The following PACRG variants were observed in gnomAD, a reference collection of about 807,000 sequenced individuals.
The protein encoded by PACRG is parkin coregulated.
PACRG carries 29 observed loss-of-function variants against 29.7 expected under a neutral mutation model. That is an observed-to-expected ratio of 0.98 (90% CI 0.73 to 1.33). The LOEUF is 1.33. Among genes scored for constraint, PACRG ranks in the 40% most tolerant of loss-of-function variants. The pLI, the probability that PACRG is intolerant of heterozygous loss-of-function variation, is 0.00. For missense variants in PACRG, 279 were observed against 316.2 expected (o/e 0.88, Z 0.89); for synonymous variants, 116 against 118.7 (o/e 0.98, Z 0.15).
At chr6:162,802,197 A>G (rs1785934503) in intron 1 of PACRG, among the ~76,000 whole-genome samples, 1 of 152,046 alleles carries the variant, frequency 6.6e-6, no homozygotes, top group African/African-American at 2.4e-5. Context: ...AATGTATTTG[A>G]GTTGTATTTT....
At chr6:163,119,328 A>G (rs1408675690) in intron 4 of PACRG, among the ~76,000 whole-genome samples, 2 of 152,236 alleles carry the variant, frequency 1.3e-5, no homozygotes, top group Non-Finnish European at 1.5e-5. Context: ...TATTAACAGT[A>G]CTTACCTCAT....
chr6:163,097,472 C>T (rs74425587), intron 4 of PACRG, among the ~76,000 whole-genome samples: 1,622 of 152,300 alleles, frequency 0.011, 32 homozygotes, highest in African/African-American at 0.038. Context: ...AAAAGAGTCA[C>T]ACTCTGTAAA....
At chr6:162,878,154 G>A (rs1793531702) in intron 2 of PACRG, among the ~76,000 whole-genome samples, 1 of 152,092 alleles carries the variant, frequency 6.6e-6, no homozygotes, top group Non-Finnish European at 1.5e-5. Context: ...TTAAATGTTT[G>A]TAAGATGCAA....
chr6:162,938,947 TG>T (rs1473465663), intron 2 of PACRG, among the ~76,000 whole-genome samples: 1 of 152,214 alleles, frequency 6.6e-6, no homozygotes, highest in African/African-American at 2.4e-5. Context: ...TCCCACTCTG[TG>T]GGTTGTCTAT....
At chr6:163,209,282 G>A (rs2128153589) in intron 4 of PACRG, among the ~76,000 whole-genome samples, 1 of 152,346 alleles carries the variant, frequency 6.6e-6, no homozygotes, top group Admixed American at 6.5e-5. Context: ...GTGCAGACTA[G>A]CTGGAGTAGA....
intron 2 of PACRG, chr6:163,046,643 A>G (rs1809427302): frequency 2.0e-5 from 3 of 152,202 alleles, no homozygotes; most frequent in African/African-American, 4.8e-5. Context: ...CTCCACGAAG[A>G]CAGAGTGTCA....
intron 1 of PACRG, among the ~76,000 whole-genome samples, chr6:162,734,011 T>C (rs1779973323): frequency 6.6e-6 from 1 of 152,196 alleles, no homozygotes; most frequent in Non-Finnish European, 1.5e-5. Flanking sequence ...TGCTGCATCC[T>C]CACCTCAAGA....
intron 2 of PACRG, among the ~76,000 whole-genome samples, chr6:163,031,407 G>A (rs778562974): frequency 1.5e-4 from 23 of 152,160 alleles, no homozygotes; most frequent in Non-Finnish European, 3.4e-4. Context: ...CTTCTGAGCA[G>A]CAGTCAGAGA....
chr6:162,874,869 ACT>A (rs1051293121), intron 2 of PACRG, among the ~76,000 whole-genome samples: 26 of 151,884 alleles, frequency 1.7e-4, no homozygotes, highest in African/African-American at 5.6e-4. Context: ...AGATTCTCAC[ACT>A]CACACACCCA....
intron 4 of PACRG, among the ~76,000 whole-genome samples, chr6:163,312,481 A>G (rs1252757470): frequency 1.3e-5 from 2 of 151,780 alleles, no homozygotes; most frequent in Non-Finnish European, 1.5e-5. Context: ...TCCTCTCTCA[A>G]TCCAACTCAA....
At chr6:163,121,988 T>C (rs953108527) in intron 4 of PACRG, among the ~76,000 whole-genome samples, 2 of 152,096 alleles carry the variant, frequency 1.3e-5, no homozygotes, top group African/African-American at 4.8e-5. Flanking sequence ...TTCTCTTTTT[T>C]CTTTTCACTT....
chr6:162,993,098 C>G (rs1342218982), intron 2 of PACRG, among the ~76,000 whole-genome samples: 1 of 146,558 alleles, frequency 6.8e-6, no homozygotes, highest in East Asian at 2.2e-4. Flanking sequence ...GCACTGTGGT[C>G]TGAGAGATAG....
At chr6:163,288,763 C>G (rs959720671) in intron 4 of PACRG, among the ~76,000 whole-genome samples, 1 of 152,086 alleles carries the variant, frequency 6.6e-6, no homozygotes, top group African/African-American at 2.4e-5. Flanking sequence ...ATTACCTTCC[C>G]GGAATATACA....
At chr6:163,313,510 T>C (rs1454475640) in intron 4 of PACRG, among the ~76,000 whole-genome samples, 1 of 152,232 alleles carries the variant, frequency 6.6e-6, no homozygotes, top group African/African-American at 2.4e-5. Context: ...GTCTGAACCA[T>C]TACTAAGTCT....
chr6:163,148,642 G>A (rs1777904936), intron 4 of PACRG, among the ~76,000 whole-genome samples: 1 of 152,170 alleles, frequency 6.6e-6, no homozygotes. Flanking sequence ...TGGAAAATCG[G>A]TCCCAGTGAC....
chr6:163,217,674 T>C (rs563187443), intron 4 of PACRG, among the ~76,000 whole-genome samples: 2 of 152,144 alleles, frequency 1.3e-5, no homozygotes, highest in African/African-American at 2.4e-5. Flanking sequence ...CTCGCTTTAC[T>C]GCCTGAGCTC....
intron 1 of PACRG, among the ~76,000 whole-genome samples, chr6:162,763,263 C>A (rs932819028): frequency 1.3e-5 from 2 of 152,154 alleles, no homozygotes; most frequent in Non-Finnish European, 2.9e-5. Context: ...AGGGATTCAG[C>A]AATCTCCTGC....
At chr6:163,067,146 C>T (rs1416004575) in intron 3 of PACRG, among the ~76,000 whole-genome samples, 6 of 152,198 alleles carry the variant, frequency 3.9e-5, no homozygotes, top group African/African-American at 9.6e-5. Context: ...TGCTGTAGCA[C>T]CGCTTCCCAA....
chr6:163,127,504 G>A (rs764447815), intron 4 of PACRG, among the ~76,000 whole-genome samples: 1 of 152,110 alleles, frequency 6.6e-6, no homozygotes, highest in Non-Finnish European at 1.5e-5. Flanking sequence ...TAGGTCTGCC[G>A]CACAAGTGTG....
Sources: gnomAD v4.1 joint callset for allele counts (sites outside exome capture counted in the v4.1 genomes callset) on GRCh38, gnomAD v4.1.1 for gene constraint, MANE v1.5 for transcripts, NCBI Gene and HGNC (gene_info 2026-07-23, HGNC 2026-07-21) for gene names.